Variants in PIGU observed in about 807,000 individuals in gnomAD.
The protein encoded by PIGU is GPI-anchor transamidase component PIGU.
In PIGU, 24 loss-of-function variants were observed where a neutral mutation model predicts 49.9. The ratio of observed to expected loss-of-function variants is 0.48; its 90% CI spans 0.35 to 0.68. The LOEUF (loss-of-function observed/expected upper bound fraction) is 0.68, where lower values mean the gene tolerates loss of function less well. PIGU is among the 30% of genes least tolerant of loss of function. PIGU has a pLI of 0.01. For synonymous variants in PIGU, 220 were observed against 205.7 expected (o/e 1.07, Z -0.59); for missense variants, 490 against 532.6 (o/e 0.92, Z 0.79).
intron 3 of PIGU, among the ~76,000 whole-genome samples, chr20:34,644,935 A>G (rs1465357683): frequency 1.3e-5 from 2 of 152,246 alleles, no homozygotes; most frequent in Non-Finnish European, 2.9e-5. Flanking sequence ...ATCAGAAACT[A>G]TTCCTCACAC....
chr20:34,588,343 T>G, intron 8 of PIGU, 110 bp downstream of exon 8: 1 of 953,994 alleles, frequency 1.0e-6, no homozygotes, highest in Non-Finnish European at 1.5e-6. Flanking sequence ...TTGAGGAATG[T>G]TCATACAGTT....
At position 34,625,724 on chromosome 20, in the gene PIGU, AAAAG is replaced by A. The variant is rs201579179; in HGVS notation, c.529+8887_529+8890del. 2.5e-4 allele frequency among the ~76,000 whole-genome samples: 38 copies of A among 150,550 alleles called. No individual in the cohort carries two copies. In the East Asian group the frequency reaches 4.5e-3, roughly 18 times the overall value. Reference sequence around the variant, plus strand: ...CAAGACTCTGTCTCAAAAAAAAAAAAAAAGAAAGAAAGAAGGAAAAAAAGAAAGA... The same window carrying A: ...CAAGACTCTGTCTCAAAAAAAAAAAAAAAGAAAGAAGGAAAAAAAGAAAGA... On this transcript the variant is annotated intron_variant, in intron 6 of 11. Coordinates refer to ENST00000217446, the MANE Select transcript of PIGU (RefSeq NM_080476.5).
At chr20:34,611,664 A>AG in intron 7 of PIGU, among the ~76,000 whole-genome samples, 2 of 130,996 alleles carry the variant, frequency 1.5e-5, no homozygotes, top group Non-Finnish European at 3.3e-5. Context: ...AAAAAAAAAA[A>AG]AGACAAAAAA....
At chr20:34,591,762 T>C in intron 7 of PIGU, among the ~76,000 whole-genome samples, 1 of 152,228 alleles carries the variant, frequency 6.6e-6, no homozygotes, top group East Asian at 1.9e-4. Flanking sequence ...TCTTGAATTG[T>C]ATTATAAAAA....
At chr20:34,585,776 T>C (rs565561263) in intron 8 of PIGU, among the ~76,000 whole-genome samples, 196 bp from the exon 9 acceptor site, 1 of 152,064 alleles carries the variant, frequency 6.6e-6, no homozygotes. Flanking sequence ...AGACATATAA[T>C]GATAACCCAT....
chr20:34,665,542 A>G (rs1219206802), intron 1 of PIGU, among the ~76,000 whole-genome samples: 2 of 141,930 alleles, frequency 1.4e-5, no homozygotes, highest in Non-Finnish European at 3.1e-5. Context: ...GGGTTTTACC[A>G]TGTTGGCCAG....
At chr20:34,670,404 G>A (rs752777431) in intron 1 of PIGU, among the ~76,000 whole-genome samples, 6 of 151,932 alleles carry the variant, frequency 3.9e-5, no homozygotes, top group Non-Finnish European at 7.4e-5. Context: ...TGCCTAGGCC[G>A]GTCTCGAACT....
chr20:34,650,290 G>C (rs1455010809), intron 2 of PIGU, among the ~76,000 whole-genome samples: 1 of 149,100 alleles, frequency 6.7e-6, no homozygotes, highest in Non-Finnish European at 1.5e-5. Context: ...TTGGGAGGGG[G>C]GAAAGGGTCT....
intron 1 of PIGU, among the ~76,000 whole-genome samples, chr20:34,670,502 C>G (rs996775116): frequency 7.3e-5 from 11 of 150,162 alleles, no homozygotes; most frequent in Non-Finnish European, 1.6e-4. Flanking sequence ...GCCATAAAGG[C>G]TTTTTTAAGT....
chr20:34,599,229 G>T (rs1984316910), intron 7 of PIGU, among the ~76,000 whole-genome samples: 1 of 152,148 alleles, frequency 6.6e-6, no homozygotes, highest in African/African-American at 2.4e-5. Context: ...AAGGTGAGTA[G>T]ATCACTTGAA....
chr20:34,674,809 A>C (rs1164607156), intron 1 of PIGU, among the ~76,000 whole-genome samples: 4 of 151,944 alleles, frequency 2.6e-5, no homozygotes, highest in Non-Finnish European at 2.9e-5. Flanking sequence ...GGTTGGTGGT[A>C]CATGCCTGTA....
Position 34,560,704 on chromosome 20 carries a change from G to C in PIGU, c.*162C>G. On this transcript the variant is annotated 3_prime_UTR_variant, in exon 12 of 12. Transcript: ENST00000217446. ...CCAGTTCTTCCCCATAGGCCTTGCT[G>C]TCAGTCAGCCATGGGTCCCTTTTGG... is the stretch of plus-strand genomic sequence containing the variant. The C allele has an allele frequency of 1.9e-6, 1 of 513,886 alleles. No homozygotes were observed. The highest frequency in any genetic ancestry group is 3.4e-6 in the Non-Finnish European group (1 of 297,274). The allele number at this position is 513,886 out of a possible 1,614,324, so 31.8% of individuals were successfully genotyped here.
rs1364089197 is a variant in PIGU at position 34,656,043 on chromosome 20, G to A, written c.195+1137C>T. Among the ~76,000 whole-genome samples the A allele has an allele frequency of 4.0e-5, 4 of 98,992 alleles. 2 individuals are homozygous for A. Among genetic ancestry groups the A allele is most frequent in the African/African-American group, 7.9e-5 (2 of 25,380 alleles). The allele number at this position is 98,992 out of a possible 152,430, so 64.9% of individuals were successfully genotyped here. On this transcript the variant is annotated intron_variant, in intron 2 of 11. Coordinates refer to ENST00000217446, the MANE Select transcript of PIGU (RefSeq NM_080476.5). ...GGCTGGAGTGCAATGGTGCAGTCTC[G>A]GCTCACTGCAAACTCTGCCTCCCGG...
chr20:34,581,451 C>CA lies in PIGU; in HGVS notation c.1051+96dup, dbSNP rs529278907. ...TCCCCTCCTAGTGCTGCCAGCATAA[C>CA]AGGTGCCTGGTAAATGCCTATGAAT... On this transcript the variant is annotated intron_variant, in intron 10 of 11. Coordinates refer to ENST00000217446, the MANE Select transcript of PIGU (RefSeq NM_080476.5). 3.8e-4 allele frequency: 561 copies of CA among 1,479,310 alleles called. 7 individuals carry two copies. In the African/African-American group the frequency reaches 6.4e-3, roughly 17 times the overall value. 91.6% of individuals were successfully genotyped at this position (1,479,310 alleles called of 1,614,324 possible).
Position 34,614,644 on chromosome 20 carries a change from T to C in PIGU, c.627+1398A>G, listed in dbSNP as rs549066982. ...TGCTCTCAAAAAAAAAAAAAAAAAA[T>C]TTCTACGTTATTTATATTAGTGACA... On this transcript the variant is annotated intron_variant, in intron 7 of 11. Transcript: ENST00000217446. Among the ~76,000 whole-genome samples the C allele has an allele frequency of 2.3e-3, 344 of 150,166 alleles. 4 individuals carry two copies. The highest frequency in any genetic ancestry group is 7.9e-3 in the African/African-American group (324 of 40,820).
intron 10 of PIGU, among the ~76,000 whole-genome samples, chr20:34,577,353 A>G (rs1983277559): frequency 1.3e-5 from 2 of 152,092 alleles, no homozygotes; most frequent in African/African-American, 4.8e-5. Context: ...CTTAGTAGAG[A>G]TGCTATACTG....
chr20:34,622,916 C>A (rs772017480), intron 6 of PIGU, among the ~76,000 whole-genome samples: 2 of 152,068 alleles, frequency 1.3e-5, no homozygotes, highest in Non-Finnish European at 2.9e-5. Context: ...CTCAATCTAG[C>A]TTTGAATATG....
intron 11 of PIGU, among the ~76,000 whole-genome samples, chr20:34,572,040 G>C (rs1983034279): frequency 6.6e-6 from 1 of 152,094 alleles, no homozygotes; most frequent in Admixed American, 6.5e-5. Context: ...AGGGCAGCTT[G>C]GAAATACCTG....
chr20:34,595,321 T>G (rs999368239), intron 7 of PIGU, among the ~76,000 whole-genome samples: 2 of 152,148 alleles, frequency 1.3e-5, no homozygotes, highest in East Asian at 3.8e-4. Context: ...CTTTCATTAT[T>G]CCCTGAACAA....
Sources: allele counts gnomAD v4.1 joint callset (sites outside exome capture counted in the v4.1 genomes callset), GRCh38; gene constraint gnomAD v4.1.1; transcripts MANE v1.5; gene names NCBI Gene and HGNC (gene_info 2026-07-23, HGNC 2026-07-21).